ZMAT3: variants seen among roughly 807,000 people sequenced by gnomAD.
ZMAT3 encodes the protein zinc finger matrin-type 3.
In ZMAT3, 17 loss-of-function variants were observed where a neutral mutation model predicts 32.3. That is an observed-to-expected ratio of 0.53 (90% CI 0.36 to 0.79). ZMAT3 has a LOEUF of 0.79. Ranked by LOEUF, ZMAT3 falls within the 30% of genes least tolerant of loss-of-function variation. ZMAT3 has a pLI of 0.00. For missense variants in ZMAT3, 329 were observed against 359.7 expected (o/e 0.91, Z 0.69); for synonymous variants, 120 against 133.1 (o/e 0.90, Z 0.68).
chr3:179,053,089 C>A lies in ZMAT3; in HGVS notation c.270+14394G>T, dbSNP rs188258487. Among the ~76,000 whole-genome samples the A allele has an allele frequency of 7.9e-5, 12 of 152,082 alleles. No homozygotes were observed. In the East Asian group the frequency reaches 2.3e-3, roughly 29 times the overall value. ...GTTGCAGTGAGCGGAGATTGTGCCA[C>A]TGCATTCCAGCCTCGGTGACAGAGC... On this transcript the variant is annotated intron_variant, in intron 2 of 5. Transcript: ENST00000311417.
At chr3:179,064,045 G>A (rs749191130) in intron 2 of ZMAT3, among the ~76,000 whole-genome samples, 36 of 152,190 alleles carry the variant, frequency 2.4e-4, no homozygotes, top group Non-Finnish European at 4.4e-4. Context: ...TTTCCACTGC[G>A]TGTCCTGGAT....
chr3:179,035,237 G>A (rs370416113), intron 2 of ZMAT3, among the ~76,000 whole-genome samples: 12 of 152,060 alleles, frequency 7.9e-5, no homozygotes, highest in African/African-American at 2.9e-4. Flanking sequence ...TACCTATAAG[G>A]CCCTACATGA....
At chr3:179,040,918 C>T (rs1719886994) in intron 2 of ZMAT3, among the ~76,000 whole-genome samples, 1 of 143,228 alleles carries the variant, frequency 7.0e-6, no homozygotes, top group Non-Finnish European at 1.5e-5. Flanking sequence ...AAAAAAAAAG[C>T]AGGGGTAACA....
At chr3:179,050,425 T>C (rs558258730) in intron 2 of ZMAT3, among the ~76,000 whole-genome samples, 3 of 151,450 alleles carry the variant, frequency 2.0e-5, no homozygotes, top group Non-Finnish European at 2.9e-5. Context: ...CAAGAATACA[T>C]AGAAACTGAA....
At chr3:179,071,086 AAAT>A (rs922886055) in intron 1 of ZMAT3, among the ~76,000 whole-genome samples, 2 of 152,184 alleles carry the variant, frequency 1.3e-5, no homozygotes, top group Admixed American at 6.5e-5. Context: ...AAGTTAAAAA[AAAT>A]AATAATAATA....
In ZMAT3 at chr3:179,022,615, T is replaced by C. The variant is rs1190193805; in HGVS notation, c.*2402A>G. 7.4e-6 allele frequency: 1 copy of C among 135,180 alleles called. No homozygotes were observed. Among genetic ancestry groups the C allele is most frequent in the Non-Finnish European group, 1.6e-5 (1 of 60,890 alleles). 8.4% of individuals were successfully genotyped at this position (135,180 alleles called of 1,614,324 possible). A position where few individuals can be genotyped will look rare whatever the true frequency, so the allele number is the denominator to read the frequency against. ...TTGCTCAAAACTAAGCAACTCTACTTTATAGATTACTGAAAAAATAATAAT... is the reference window on the plus strand; with the variant it reads ...TTGCTCAAAACTAAGCAACTCTACTCTATAGATTACTGAAAAAATAATAAT... On this transcript the variant is annotated 3_prime_UTR_variant, in exon 6 of 6. Coordinates refer to ENST00000311417, the MANE Select transcript of ZMAT3 (RefSeq NM_022470.4).
intron 2 of ZMAT3, among the ~76,000 whole-genome samples, chr3:179,044,142 A>G (rs1010243712): frequency 6.6e-6 from 1 of 152,232 alleles, no homozygotes; most frequent in Non-Finnish European, 1.5e-5. Context: ...AATTAGTTCA[A>G]CCACTGTGGA....
rs1718686965 is a variant in ZMAT3 at position 179,023,712 on chromosome 3, T to TATATATATATATA, written c.*1304_*1305insTATATATATATAT. 4 of 17,862 alleles carry TATATATATATATA rather than the reference T, an allele frequency of 2.2e-4. No homozygotes were observed. The highest frequency in any genetic ancestry group is 1.0e-3 in the Admixed American group (1 of 990). The allele number at this position is 17,862 out of a possible 1,614,324, so 1.1% of individuals were successfully genotyped here. ...AAAATATATCTATATATATATATAT[T>TATATATATATATA]TTTTTTTTTTTTTTTTTTTTTTTTT... On this transcript the variant is annotated 3_prime_UTR_variant, in exon 6 of 6. Transcript: ENST00000311417.
At chr3:179,043,094 A>T (rs1720041875) in intron 2 of ZMAT3, among the ~76,000 whole-genome samples, 1 of 152,230 alleles carries the variant, frequency 6.6e-6, no homozygotes, top group Non-Finnish European at 1.5e-5. Context: ...AAATGGAAGA[A>T]CATTCCATGC....
chr3:179,041,911 C>T (rs544753693), intron 2 of ZMAT3, among the ~76,000 whole-genome samples: 7 of 152,090 alleles, frequency 4.6e-5, no homozygotes, highest in Admixed American at 2.6e-4. Flanking sequence ...ATGTCACCAC[C>T]GATCCCACAG....
intron 2 of ZMAT3, among the ~76,000 whole-genome samples, chr3:179,047,449 C>A (rs1320029413): frequency 6.6e-6 from 1 of 152,218 alleles, no homozygotes; most frequent in Non-Finnish European, 1.5e-5. Context: ...AAACAAGGTT[C>A]TTTAACACCC....
chr3:179,050,278 A>G (rs898587847), intron 2 of ZMAT3, among the ~76,000 whole-genome samples: 1 of 152,206 alleles, frequency 6.6e-6, no homozygotes, highest in Non-Finnish European at 1.5e-5. Flanking sequence ...GCTCAATTAG[A>G]AATGAAATGG....
intron 2 of ZMAT3, among the ~76,000 whole-genome samples, chr3:179,035,314 C>T (rs1719526029): frequency 6.6e-6 from 1 of 152,260 alleles, no homozygotes; most frequent in Non-Finnish European, 1.5e-5. Context: ...GCTCATTATG[C>T]TCCTGGCTCA....
rs759011512 is a variant in ZMAT3 at position 179,027,627 on chromosome 3, A to G, written c.557+19T>C. 4.3e-6 allele frequency: 7 copies of G among 1,614,060 alleles called. No individual in the cohort carries two copies. Among genetic ancestry groups the G allele is most frequent in the Middle Eastern group, 1.7e-4 (1 of 6,060 alleles). ...ATCTCACATAACACTTTGGCCTCAG[A>G]GAAAATGGCAATACCTACGAGAATG... On this transcript the variant is annotated intron_variant, in intron 4 of 5. Transcript: ENST00000311417.
Position 179,023,689 on chromosome 3 carries a change from A to AATATATAAATATAAATATAT in ZMAT3, c.*1327_*1328insATATATTTATATTTATATAT, listed in dbSNP as rs1232846996. 4.7e-5 allele frequency: 2 copies of AATATATAAATATAAATATAT among 42,264 alleles called. No homozygotes were observed. The highest frequency in any genetic ancestry group is 2.7e-4 in the African/African-American group (2 of 7,432). 2.6% of individuals were successfully genotyped at this position (42,264 alleles called of 1,614,324 possible). ...CTTTGTTTCCTAAAAACTGCTGGAA[A>AATATATAAATATAAATATAT]ATATATCTATATATATATATATTTT... On this transcript the variant is annotated 3_prime_UTR_variant, in exon 6 of 6. Transcript: ENST00000311417.
chr3:179,044,761 T>G (rs896086333), intron 2 of ZMAT3, among the ~76,000 whole-genome samples: 1 of 152,130 alleles, frequency 6.6e-6, no homozygotes, highest in Non-Finnish European at 1.5e-5. Context: ...ACCATCATTC[T>G]CAGCAAACTA....
At chr3:179,054,971 A>G (rs923952706) in intron 2 of ZMAT3, among the ~76,000 whole-genome samples, 1 of 152,000 alleles carries the variant, frequency 6.6e-6, no homozygotes, top group Non-Finnish European at 1.5e-5. Flanking sequence ...TACTCACCAC[A>G]TGGCCCAAGA....
rs1191284676 is a variant in ZMAT3 at position 179,067,659 on chromosome 3, G to A, written c.94C>T (p.Gln32Ter). ...SVATRSTGTL[Q>*]LPPQKPFGQE... ...CCAAAAGGCTTCTGTGGTGGAAGCT[G>A]CAAGGTTCCTGTAGACCTGGTGGCC... Residue 32 changes from glutamine to a stop codon, truncating the protein, a stop_gained, in exon 2 of 6, where the codon CAG (glutamine) becomes TAG (stop). Coordinates refer to ENST00000311417, the MANE Select transcript of ZMAT3 (RefSeq NM_022470.4). LOFTEE classifies it high-confidence loss of function. The A allele has an allele frequency of 6.2e-7, 1 of 1,614,084 alleles. No homozygotes were observed. The highest frequency in any genetic ancestry group is 2.2e-5 in the East Asian group (1 of 44,892).
At chr3:179,058,523 G>A (rs531432140) in intron 2 of ZMAT3, among the ~76,000 whole-genome samples, 8 of 152,302 alleles carry the variant, frequency 5.3e-5, no homozygotes, top group Middle Eastern at 3.4e-3. Context: ...TTGGGAGGCC[G>A]AGGCGGGCGG....
Sources: gnomAD v4.1 joint callset for allele counts (sites outside exome capture counted in the v4.1 genomes callset) on GRCh38, gnomAD v4.1.1 for gene constraint, MANE v1.5 for transcripts, NCBI Gene and HGNC (gene_info 2026-07-23, HGNC 2026-07-21) for gene names.